Variants in BNC2 observed in about 807,000 individuals in gnomAD.
BNC2 encodes zinc finger protein basonuclin-2.
In BNC2, 20 loss-of-function variants were observed where a neutral mutation model predicts 76.3. That is an observed-to-expected ratio of 0.26 (90% confidence interval 0.18 to 0.38). BNC2 has a LOEUF of 0.38. Among genes scored for constraint, BNC2 ranks in the 10% least tolerant of loss-of-function variants. BNC2 has a pLI of 1.00. For missense variants in BNC2, 1,382 were observed against 1,399.8 expected (o/e 0.99, Z 0.20); for synonymous variants, 582 against 514.8 (o/e 1.13, Z -1.77).
intron 1 of BNC2, among the ~76,000 whole-genome samples, chr9:16,843,181 C>T (rs781665862): frequency 1.4e-4 from 21 of 152,090 alleles, no homozygotes; most frequent in Non-Finnish European, 3.1e-4. Context: ...CAAGATTCTA[C>T]CATATTCAGT....
chr9:16,519,601 G>C (rs1055703789), intron 5 of BNC2, among the ~76,000 whole-genome samples: 2 of 152,214 alleles, frequency 1.3e-5, no homozygotes, highest in Non-Finnish European at 2.9e-5. Context: ...TAGACGGAAA[G>C]GCTGTCCAAG....
At chr9:16,521,065 CAT>C (rs1304489016) in intron 5 of BNC2, among the ~76,000 whole-genome samples, 1 of 152,144 alleles carries the variant, frequency 6.6e-6, no homozygotes, top group East Asian at 1.9e-4. Context: ...ATAAGAGGAA[CAT>C]ACATCAGACA....
intron 1 of BNC2, among the ~76,000 whole-genome samples, chr9:16,753,017 T>C (rs898251675): frequency 1.3e-5 from 2 of 152,192 alleles, no homozygotes; most frequent in Non-Finnish European, 2.9e-5. Flanking sequence ...ATCATATGAA[T>C]ATCCCAGGTC....
At chr9:16,646,266 G>A (rs931848874) in intron 3 of BNC2, among the ~76,000 whole-genome samples, 1 of 152,160 alleles carries the variant, frequency 6.6e-6, no homozygotes, top group Non-Finnish European at 1.5e-5. Flanking sequence ...GGGCAGGGAA[G>A]TAGTAAAAAA....
At chr9:16,548,989 T>G (rs900988704) in intron 5 of BNC2, among the ~76,000 whole-genome samples, 2 of 152,196 alleles carry the variant, frequency 1.3e-5, no homozygotes, top group African/African-American at 4.8e-5. Context: ...ATTAACTTTA[T>G]AAAAAAAGTA....
intron 3 of BNC2, among the ~76,000 whole-genome samples, chr9:16,674,705 C>T (rs1822583946): frequency 6.6e-6 from 1 of 152,268 alleles, no homozygotes; most frequent in South Asian, 2.1e-4. Flanking sequence ...ATCTATTCAG[C>T]TCACTTCTTA....
At chr9:16,572,204 T>C (rs918948334) in intron 4 of BNC2, among the ~76,000 whole-genome samples, 9 of 152,210 alleles carry the variant, frequency 5.9e-5, no homozygotes, top group African/African-American at 2.2e-4. Flanking sequence ...TGTTAATGAT[T>C]AAACAAATTT....
chr9:16,786,802 G>A (rs1298646280), intron 1 of BNC2, among the ~76,000 whole-genome samples: 1 of 152,126 alleles, frequency 6.6e-6, no homozygotes, highest in East Asian at 1.9e-4. Context: ...ATCCTCAAGG[G>A]AAGGTCATTG....
chr9:16,460,751 C>G (rs563304080), intron 5 of BNC2, among the ~76,000 whole-genome samples: 26 of 152,006 alleles, frequency 1.7e-4, no homozygotes, highest in Admixed American at 4.6e-4. Flanking sequence ...CCTCAGTTAC[C>G]CAGGTGTAAA....
chr9:16,630,778 T>C (rs1418633207), intron 3 of BNC2, among the ~76,000 whole-genome samples: 1 of 123,660 alleles, frequency 8.1e-6, no homozygotes, highest in Non-Finnish European at 1.7e-5. Flanking sequence ...TCACTCTTGT[T>C]GCCCAGGCTG....
intron 3 of BNC2, among the ~76,000 whole-genome samples, chr9:16,660,939 G>A (rs575478070): frequency 1.6e-4 from 25 of 152,182 alleles, no homozygotes; most frequent in African/African-American, 4.8e-4. Flanking sequence ...GAACTAAACC[G>A]TCCTCAAATT....
At chr9:16,775,659 TG>T in intron 1 of BNC2, 1 of 204,270 alleles carries the variant, frequency 4.9e-6, no homozygotes, top group Non-Finnish European at 1.1e-5. Flanking sequence ...ACTTCCAGCC[TG>T]GTCTGCTGGT....
chr9:16,420,881 C>T (rs1338321715), intron 6 of BNC2, among the ~76,000 whole-genome samples: 3 of 152,222 alleles, frequency 2.0e-5, no homozygotes, highest in Admixed American at 2.0e-4. Flanking sequence ...CTCACATGTT[C>T]AACAGTACCT....
chr9:16,499,538 T>TC (rs1822474683), intron 5 of BNC2, among the ~76,000 whole-genome samples: 2 of 148,470 alleles, frequency 1.3e-5, no homozygotes, highest in African/African-American at 2.5e-5. Flanking sequence ...TTCTTTTTTT[T>TC]TTTTTTTTTG....
At chr9:16,682,478 T>C (rs1187356046) in intron 3 of BNC2, among the ~76,000 whole-genome samples, 1 of 151,956 alleles carries the variant, frequency 6.6e-6, no homozygotes, top group African/African-American at 2.4e-5. Context: ...TGTCAAATTA[T>C]TACAGGAACA....
chr9:16,630,366 A>G (rs1290510048), intron 3 of BNC2, among the ~76,000 whole-genome samples: 4 of 152,250 alleles, frequency 2.6e-5, no homozygotes, highest in African/African-American at 9.6e-5. Context: ...TTAAATTATG[A>G]TAAAAGCATT....
At chr9:16,427,891 T>C (rs900268350) in intron 6 of BNC2, among the ~76,000 whole-genome samples, 2 of 152,230 alleles carry the variant, frequency 1.3e-5, no homozygotes, top group African/African-American at 4.8e-5. Context: ...AAGAAAGTCC[T>C]CGTGAACACC....
At chr9:16,482,741 T>G (rs934732721) in intron 5 of BNC2, among the ~76,000 whole-genome samples, 3 of 152,184 alleles carry the variant, frequency 2.0e-5, no homozygotes, top group Admixed American at 1.3e-4. Context: ...TTTAAATGAA[T>G]AAACTCAGAG....
At chr9:16,656,010 G>C (rs187443188) in intron 3 of BNC2, among the ~76,000 whole-genome samples, 232 of 152,298 alleles carry the variant, frequency 1.5e-3, no homozygotes, top group Admixed American at 0.014. Context: ...TTCTTAATAG[G>C]GGAGGTTTGT....
Sources: gnomAD v4.1 joint callset for allele counts (sites outside exome capture counted in the v4.1 genomes callset) on GRCh38, gnomAD v4.1.1 for gene constraint, MANE v1.5 for transcripts, NCBI Gene and HGNC (gene_info 2026-07-23, HGNC 2026-07-21) for gene names.